TBC1D23: variants seen among roughly 807,000 people sequenced by gnomAD.
TBC1D23 encodes the protein TBC1 domain family member 23.
TBC1D23 carries 55 observed loss-of-function variants against 91.4 expected under a neutral mutation model. That is an observed-to-expected ratio of 0.60 (90% CI 0.48 to 0.75). The LOEUF (loss-of-function observed/expected upper bound fraction) is 0.75. TBC1D23 is among the 30% of genes least tolerant of loss of function. The probability of loss-of-function intolerance (pLI) is 0.00; values close to 1 mark genes in which losing one functional copy is unlikely to be tolerated. For synonymous variants in TBC1D23, 289 were observed against 281.0 expected, an observed-to-expected ratio of 1.03 and a Z score of -0.28; for missense variants, 725 against 836.1, an observed-to-expected ratio of 0.87 and a Z score of 1.64.
At chr3:100,317,081 CAAA>C (rs34131078) in intron 16 of TBC1D23, among the ~76,000 whole-genome samples, 6 of 117,612 alleles carry the variant, frequency 5.1e-5, no homozygotes, top group Non-Finnish European at 3.6e-5. Flanking sequence ...GACTCTGTCT[CAAA>C]AAAAAAAAAA....
intron 1 of TBC1D23, among the ~76,000 whole-genome samples, chr3:100,270,505 A>T (rs1203186740): frequency 1.3e-5 from 2 of 152,240 alleles, no homozygotes; most frequent in East Asian, 3.9e-4. Flanking sequence ...AAGGAGAGAG[A>T]TGACTTTTTG....
At chr3:100,295,458 T>A (rs1040808812) in intron 7 of TBC1D23, 110 bp downstream of exon 7, 5 of 776,292 alleles carry the variant, frequency 6.4e-6, no homozygotes, top group Non-Finnish European at 1.0e-5. Flanking sequence ...GCTCTGAGGC[T>A]CCATTCAACT....
chr3:100,280,649 G>A (rs998495382), intron 2 of TBC1D23, among the ~76,000 whole-genome samples: 2 of 152,144 alleles, frequency 1.3e-5, no homozygotes, highest in African/African-American at 4.8e-5. Context: ...ACTGTACACA[G>A]CATTCTGAGC....
At chr3:100,305,397 T>C (rs904093021) in intron 12 of TBC1D23, among the ~76,000 whole-genome samples, 5 of 152,188 alleles carry the variant, frequency 3.3e-5, no homozygotes, top group Non-Finnish European at 4.4e-5. Context: ...GCAGGATCTC[T>C]GCAGGCAAGT....
intron 18 of TBC1D23, 138 bp downstream of exon 18, chr3:100,321,109 A>T (rs1705851112): frequency 1.4e-5 from 9 of 645,628 alleles, no homozygotes; most frequent in Non-Finnish European, 2.3e-5. Context: ...AGTGTTTCTT[A>T]TCTCTTTCTC....
At chr3:100,312,163 G>A (rs925461721) in intron 15 of TBC1D23, among the ~76,000 whole-genome samples, 4 of 152,146 alleles carry the variant, frequency 2.6e-5, no homozygotes, top group Non-Finnish European at 5.9e-5. Flanking sequence ...TTCTGAGACA[G>A]GGGAAGGTGA....
chr3:100,267,318 T>C, intron 1 of TBC1D23: 1 of 405,060 alleles, frequency 2.5e-6, no homozygotes, highest in Non-Finnish European at 4.8e-6. Flanking sequence ...AAGAGCCACT[T>C]AAACCTATTT....
At chr3:100,279,475 A>C (rs1421101675) in intron 1 of TBC1D23, 174 bp from the exon 2 acceptor site, 1 of 455,388 alleles carries the variant, frequency 2.2e-6, no homozygotes, top group Non-Finnish European at 4.0e-6. Flanking sequence ...TGACTGTATG[A>C]AGCCTGAGAT....
intron 9 of TBC1D23, 143 bp from the exon 10 acceptor site, chr3:100,299,096 G>A: frequency 2.1e-6 from 1 of 474,656 alleles, no homozygotes; most frequent in Non-Finnish European, 3.9e-6. Flanking sequence ...GTTATTTTCT[G>A]TGCTAACTAG....
At chr3:100,303,913 C>A (rs1312579107) in intron 11 of TBC1D23, among the ~76,000 whole-genome samples, 1 of 151,740 alleles carries the variant, frequency 6.6e-6, no homozygotes, top group African/African-American at 2.4e-5. Flanking sequence ...TTTTCCCCAA[C>A]TTTTATTATG....
At chr3:100,310,088 T>C (rs1156295807) in intron 13 of TBC1D23, among the ~76,000 whole-genome samples, 1 of 152,224 alleles carries the variant, frequency 6.6e-6, no homozygotes, top group African/African-American at 2.4e-5. Flanking sequence ...CCTCTCTCCT[T>C]GGCTTGCAGA....
At chr3:100,317,013 G>T (rs1283112551) in intron 16 of TBC1D23, among the ~76,000 whole-genome samples, 2 of 151,696 alleles carry the variant, frequency 1.3e-5, no homozygotes, top group Non-Finnish European at 2.9e-5. Context: ...AACCCAGGAG[G>T]CGGAGGTGCA....
chr3:100,322,291 C>A (rs2148875331), intron 18 of TBC1D23, among the ~76,000 whole-genome samples: 1 of 152,194 alleles, frequency 6.6e-6, no homozygotes, highest in Non-Finnish European at 1.5e-5. Context: ...GATGGGGTTT[C>A]ACCGTGTTAG....
Position 100,261,006 on chromosome 3 carries a change from G to T in TBC1D23, c.-13G>T. The T allele has an allele frequency of 6.2e-7, 1 of 1,612,788 alleles. No individual in the cohort carries two copies. The highest frequency in any genetic ancestry group is 1.1e-5 in the South Asian group (1 of 91,048). On this transcript the variant is annotated 5_prime_UTR_variant, in exon 1 of 19. Transcript: ENST00000394144. ...ATCCACTTTTCGGCAAAGTGACGTG[G>T]ACGTCAACAGCAATGGCGGAAGGAG...
intron 4 of TBC1D23, among the ~76,000 whole-genome samples, chr3:100,287,236 C>T (rs1011824536): frequency 4.6e-5 from 7 of 152,170 alleles, no homozygotes; most frequent in African/African-American, 1.2e-4. Context: ...CTTCAGCCTC[C>T]CAAGTAGCTG....
At chr3:100,288,176 G>A (rs911139803) in intron 4 of TBC1D23, among the ~76,000 whole-genome samples, 3 of 151,170 alleles carry the variant, frequency 2.0e-5, no homozygotes, top group Admixed American at 2.0e-4. Context: ...GCCCAGGGAG[G>A]TCGAGGCTGA....
At chr3:100,272,484 T>G (rs1314637565) in intron 1 of TBC1D23, among the ~76,000 whole-genome samples, 1 of 152,144 alleles carries the variant, frequency 6.6e-6, no homozygotes, top group Non-Finnish European at 1.5e-5. Context: ...ATGGCCATAC[T>G]GCCCAAAGCT....
rs3836294 is a variant in TBC1D23 at position 100,313,581 on chromosome 3, AT to A, written c.1598+1707del. On this transcript the variant is annotated intron_variant, in intron 15 of 18. Coordinates refer to ENST00000394144, the MANE Select transcript of TBC1D23 (RefSeq NM_001199198.3). ...TATAAATCTTGATTAACAATTAATA[AT>A]TTGTTTTTTAGGATTATCTCTTTAC... Among the ~76,000 whole-genome samples the A allele has an allele frequency of 2.2e-4, 34 of 152,260 alleles. No homozygotes were observed. The East Asian group carries it at 5.8e-3, about 26-fold the overall frequency.
intron 4 of TBC1D23, among the ~76,000 whole-genome samples, chr3:100,285,584 G>A (rs1028706527): frequency 6.6e-6 from 1 of 151,718 alleles, no homozygotes; most frequent in Non-Finnish European, 1.5e-5. Context: ...TTCATTTCTG[G>A]GATATGTGCC....
Sources: allele counts gnomAD v4.1 joint callset (sites outside exome capture counted in the v4.1 genomes callset), GRCh38; gene constraint gnomAD v4.1.1; transcripts MANE v1.5; gene names NCBI Gene and HGNC (gene_info 2026-07-23, HGNC 2026-07-21).